Variants in SFMBT2 observed in about 807,000 individuals in gnomAD.
SFMBT2 encodes Scm like with four mbt domains 2.
Under a neutral mutation model 110.1 loss-of-function variants are expected in SFMBT2, and 38 were observed. The observed-to-expected ratio is 0.35, with a 90% CI of 0.27 to 0.45. The LOEUF is 0.45. Ranked by LOEUF, SFMBT2 falls within the 20% of genes least tolerant of loss-of-function variation. SFMBT2 has a pLI of 1.00. For synonymous variants in SFMBT2, 425 were observed against 425.4 expected (o/e 1.00, Z 0.01); for missense variants, 1,011 against 1,094.9 (o/e 0.92, Z 1.08).
chr10:7,278,973 C>T (rs937010616), intron 6 of SFMBT2, among the ~76,000 whole-genome samples: 4 of 151,634 alleles, frequency 2.6e-5, no homozygotes, highest in African/African-American at 9.7e-5. Flanking sequence ...CGGTGGCAGG[C>T]GTCTGTAATA....
chr10:7,240,950 C>T (rs1159842302), intron 9 of SFMBT2, among the ~76,000 whole-genome samples: 3 of 152,062 alleles, frequency 2.0e-5, no homozygotes, highest in African/African-American at 7.2e-5. Context: ...TGGCTGTGTC[C>T]TCACCCAAAT....
intron 1 of SFMBT2, among the ~76,000 whole-genome samples, chr10:7,400,546 C>T (rs891619203): frequency 4.6e-5 from 7 of 152,162 alleles, no homozygotes; most frequent in Admixed American, 2.0e-4. Flanking sequence ...TGGCATCCAG[C>T]GGTTGGCATC....
chr10:7,359,314 G>A (rs377279960), intron 4 of SFMBT2, among the ~76,000 whole-genome samples: 90 of 152,308 alleles, frequency 5.9e-4, no homozygotes, highest in African/African-American at 2.1e-3. Flanking sequence ...GCTGCATCTG[G>A]AGCAGGCCAG....
rs960085541 is a variant in SFMBT2 at position 7,202,707 on chromosome 10, C to T, written c.1445-185G>A. 4.1e-6 allele frequency: 4 copies of T among 985,254 alleles called. No homozygotes were observed. In the African/African-American group the frequency reaches 7.0e-5, roughly 17 times the overall value. The allele number at this position is 985,254 out of a possible 1,614,324, so 61.0% of individuals were successfully genotyped here. A position where few individuals can be genotyped will look rare whatever the true frequency, so the allele number is the denominator to read the frequency against. On this transcript the variant is annotated intron_variant, in intron 12 of 20. Transcript: ENST00000397167. ...CTAGCATAGGATAGACGTTAACTCA[C>T]CAGATGTCAGATCTTAGTACAACTT...
At chr10:7,378,313 TG>T (rs369601028) in intron 2 of SFMBT2, among the ~76,000 whole-genome samples, 1 of 64,452 alleles carries the variant, frequency 1.6e-5, no homozygotes, top group Admixed American at 1.4e-4. Context: ...TGTGGATGGG[TG>T]GATGGATGGG....
At chr10:7,292,759 G>A (rs1042391182) in intron 4 of SFMBT2, among the ~76,000 whole-genome samples, 1 of 152,186 alleles carries the variant, frequency 6.6e-6, no homozygotes, top group African/African-American at 2.4e-5. Flanking sequence ...GCTCATGCCT[G>A]TAATCCCAGC....
At position 7,367,595 on chromosome 10, in the gene SFMBT2, G is replaced by A; in HGVS notation, c.436+54C>T. 6.4e-7 allele frequency: 1 copy of A among 1,573,930 alleles called. No homozygotes were observed. Among genetic ancestry groups the A allele is most frequent in the Non-Finnish European group, 8.6e-7 (1 of 1,160,800 alleles). Reference sequence around the variant, plus strand: ...TCTCTCTGCTCCTTGCAAAATTACAGGCGTCATGAAGGATGGCGGCTCGTA... The same window carrying A: ...TCTCTCTGCTCCTTGCAAAATTACAAGCGTCATGAAGGATGGCGGCTCGTA... On this transcript the variant is annotated intron_variant, in intron 4 of 20. Coordinates refer to ENST00000397167, the MANE Select transcript of SFMBT2 (RefSeq NM_001387889.1). The surrounding 1 kb of genome is among the most constrained non-coding windows in gnomAD (Gnocchi z 6.2).
intron 1 of SFMBT2, among the ~76,000 whole-genome samples, chr10:7,401,592 A>C (rs1025275041): frequency 1.3e-5 from 2 of 152,208 alleles, no homozygotes; most frequent in African/African-American, 4.8e-5. Flanking sequence ...TTGCCCTCTG[A>C]TGTCCTCACG....
intron 4 of SFMBT2, among the ~76,000 whole-genome samples, chr10:7,339,436 A>C (rs950961301): frequency 1.1e-4 from 17 of 152,246 alleles, no homozygotes; most frequent in Non-Finnish European, 2.2e-4. Flanking sequence ...AAATGCTAAG[A>C]GCTGAAGATA....
intron 4 of SFMBT2, among the ~76,000 whole-genome samples, chr10:7,355,124 A>G (rs1014504055): frequency 1.3e-5 from 2 of 152,230 alleles, no homozygotes; most frequent in African/African-American, 4.8e-5. Context: ...TTTTCATCAA[A>G]ATACGTAAAC....
At position 7,171,857 on chromosome 10, in the gene SFMBT2, C is replaced by G. The variant is rs1837880118; in HGVS notation, c.2415+38G>C. ...GTGTAACAGGTGTGCTTCTTCAGAC[C>G]CAGCGGGAAGCCCTCTGTCCCCACG... On this transcript the variant is annotated intron_variant, in intron 19 of 20. Transcript: ENST00000397167. This position sits in a 1 kb window ranked among gnomAD's most constrained non-coding sequence, Gnocchi z 4.9. 1 of 1,388,330 alleles carries G rather than the reference C, an allele frequency of 7.2e-7. No homozygotes were observed. The highest frequency in any genetic ancestry group is 1.5e-5 in the African/African-American group (1 of 66,520). The allele number at this position is 1,388,330 out of a possible 1,614,324, so 86.0% of individuals were successfully genotyped here. A position where few individuals can be genotyped will look rare whatever the true frequency, so the allele number is the denominator to read the frequency against.
At position 7,177,868 on chromosome 10, in the gene SFMBT2, A is replaced by AAAGAAG. The variant is rs1554781753; in HGVS notation, c.1809-1709_1809-1704dup. Among the ~76,000 whole-genome samples the AAAGAAG allele has an allele frequency of 2.0e-5, 3 of 151,244 alleles. No individual in the cohort carries two copies. The South Asian group carries it at 6.3e-4, about 32-fold the overall frequency. ...GTGGGGCTCTGTCTCTTAAAAAAAA[A>AAAGAAG]AAGAAGAAGAAGAAGAAGAAGTTGA... On this transcript the variant is annotated intron_variant, in intron 16 of 20. Transcript: ENST00000397167.
chr10:7,337,689 T>G (rs1843758452), intron 4 of SFMBT2, among the ~76,000 whole-genome samples: 1 of 152,128 alleles, frequency 6.6e-6, no homozygotes, highest in Admixed American at 6.5e-5. Flanking sequence ...CTTTATAAAT[T>G]ACCCAGTCCT....
At chr10:7,242,268 T>G (rs1840455174) in intron 9 of SFMBT2, among the ~76,000 whole-genome samples, 1 of 152,154 alleles carries the variant, frequency 6.6e-6, no homozygotes, top group Admixed American at 6.5e-5. Flanking sequence ...TGGACAGTCT[T>G]GAAAACTGAA....
intron 7 of SFMBT2, among the ~76,000 whole-genome samples, chr10:7,267,651 G>A (rs1354756463): frequency 2.6e-5 from 4 of 152,156 alleles, no homozygotes; most frequent in Admixed American, 2.6e-4. Context: ...GCCAGCCTCA[G>A]CCTCCCAAAG....
chr10:7,336,003 C>A (rs1321124442), intron 4 of SFMBT2, among the ~76,000 whole-genome samples: 1 of 152,080 alleles, frequency 6.6e-6, no homozygotes, highest in Non-Finnish European at 1.5e-5. Context: ...ACTTCTTTAA[C>A]AAATATTTTA....
intron 11 of SFMBT2, among the ~76,000 whole-genome samples, chr10:7,218,469 A>G (rs1323331358): frequency 1.3e-5 from 2 of 152,250 alleles, no homozygotes; most frequent in African/African-American, 4.8e-5. Context: ...ATTTTGAGCA[A>G]TAATTACAGG....
chr10:7,352,376 A>G (rs1844351967), intron 4 of SFMBT2, among the ~76,000 whole-genome samples: 1 of 152,174 alleles, frequency 6.6e-6, no homozygotes, highest in African/African-American at 2.4e-5. Flanking sequence ...AGGTGGGAGT[A>G]CAGTGGTGCA....
chr10:7,370,281 G>A lies in SFMBT2; in HGVS notation c.195C>T (p.His65=), dbSNP rs142871492. 3.2e-3 allele frequency: 5,193 copies of A among 1,612,586 alleles called. 15 individuals are homozygous for A. Among genetic ancestry groups the A allele is most frequent in the Non-Finnish European group, 3.3e-3 (3,831 of 1,178,750 alleles). ...AGAAGACACAAGCTGCTTTACATAC[G>A]TGTTTGAATGATGTGTGGGGAGCAG... ...ASAAPHTSFK[H]VEISIQSNFQ... is the part of the protein sequence containing the mutation. The change falls in exon 3 of 21, where the codon CAC becomes CAT. Residue 65 remains histidine, a splice_region_variant and synonymous_variant. Coordinates refer to ENST00000397167, the MANE Select transcript of SFMBT2 (RefSeq NM_001387889.1).
Sources: gnomAD v4.1 joint callset for allele counts (sites outside exome capture counted in the v4.1 genomes callset) on GRCh38, gnomAD v4.1.1 for gene constraint, Gnocchi (gnomAD v3.1) non-coding constraint, MANE v1.5 for transcripts, NCBI Gene and HGNC (gene_info 2026-07-23, HGNC 2026-07-21) for gene names.